ACVR1C: variants seen among roughly 807,000 people sequenced by gnomAD.
The protein encoded by ACVR1C is activin receptor type-1C.
Under a neutral mutation model 57.9 loss-of-function variants are expected in ACVR1C, and 23 were observed. That is an observed-to-expected ratio of 0.40 (90% CI 0.29 to 0.56). ACVR1C has a LOEUF of 0.56. Ranked by LOEUF, ACVR1C falls within the 20% of genes least tolerant of loss-of-function variation. The pLI, the probability that ACVR1C is intolerant of heterozygous loss-of-function variation, is 0.50. For synonymous variants in ACVR1C, 214 were observed against 215.3 expected (o/e 0.99, Z 0.05); for missense variants, 480 against 607.9 (o/e 0.79, Z 2.21).
intron 6 of ACVR1C, among the ~76,000 whole-genome samples, chr2:157,541,775 T>A (rs1687630101): frequency 6.6e-6 from 1 of 152,198 alleles, no homozygotes; most frequent in African/African-American, 2.4e-5. Flanking sequence ...ACAAGAGGCA[T>A]TCACAGGCAC....
intron 1 of ACVR1C, among the ~76,000 whole-genome samples, chr2:157,605,530 G>A (rs1207181436): frequency 2.0e-5 from 3 of 151,600 alleles, no homozygotes; most frequent in East Asian, 1.9e-4. Context: ...AGTACAATAC[G>A]TCCTCAATAT....
Position 157,628,566 on chromosome 2 carries a change from C to T in ACVR1C, c.73+6G>A, listed in dbSNP as rs1182796547. Reference sequence around the variant, plus strand: ...GCGGGCGTCGGGAGAGAAACCAGCACCGTACCTGGCGAGAGCTCGGCGGCC... The same window carrying T: ...GCGGGCGTCGGGAGAGAAACCAGCATCGTACCTGGCGAGAGCTCGGCGGCC... On this transcript the variant is annotated splice_donor_region_variant and intron_variant, in intron 1 of 8. Coordinates refer to ENST00000243349, the MANE Select transcript of ACVR1C (RefSeq NM_145259.3). 7.5e-6 allele frequency: 12 copies of T among 1,607,304 alleles called. No individual in the cohort carries two copies. Among genetic ancestry groups the T allele is most frequent in the South Asian group, 6.6e-5 (6 of 90,234 alleles).
chr2:157,555,444 T>C (rs1688077216), intron 3 of ACVR1C, among the ~76,000 whole-genome samples: 1 of 152,158 alleles, frequency 6.6e-6, no homozygotes, highest in Non-Finnish European at 1.5e-5. Flanking sequence ...TTACCTGGGG[T>C]TCTGGAGTTC....
intron 3 of ACVR1C, among the ~76,000 whole-genome samples, chr2:157,555,455 C>T (rs928492145): frequency 6.6e-6 from 1 of 152,158 alleles, no homozygotes; most frequent in Admixed American, 6.5e-5. Context: ...TCTGGAGTTC[C>T]ATTAAAGAGG....
chr2:157,548,264 C>G (rs2105214516), intron 4 of ACVR1C, among the ~76,000 whole-genome samples: 1 of 150,250 alleles, frequency 6.7e-6, no homozygotes, highest in South Asian at 2.2e-4. Flanking sequence ...AACCACTGCT[C>G]AAGGAAATCA....
intron 1 of ACVR1C, among the ~76,000 whole-genome samples, chr2:157,592,907 T>C (rs1185648337): frequency 6.6e-6 from 1 of 152,146 alleles, no homozygotes; most frequent in Non-Finnish European, 1.5e-5. Context: ...CATTACAATG[T>C]ATTTGAGTCC....
intron 1 of ACVR1C, among the ~76,000 whole-genome samples, chr2:157,626,691 A>G (rs1051267072): frequency 3.3e-5 from 5 of 152,382 alleles, no homozygotes; most frequent in Admixed American, 2.0e-4. Context: ...ACTACCTTGA[A>G]TCTTTCTACT....
intron 1 of ACVR1C, among the ~76,000 whole-genome samples, chr2:157,617,889 C>T (rs1682688918): frequency 6.6e-6 from 1 of 151,714 alleles, no homozygotes; most frequent in Admixed American, 6.6e-5. Context: ...ATATTTGAAG[C>T]TTAAAAATAA....
At chr2:157,537,859 CACTT>C (rs1201940865) in intron 8 of ACVR1C, among the ~76,000 whole-genome samples, 1 of 152,118 alleles carries the variant, frequency 6.6e-6, no homozygotes, top group Non-Finnish European at 1.5e-5. Context: ...TTGCAATAAC[CACTT>C]ACTATTTGTC....
chr2:157,621,247 T>C (rs1279193800), intron 1 of ACVR1C, among the ~76,000 whole-genome samples: 2 of 152,090 alleles, frequency 1.3e-5, no homozygotes, highest in African/African-American at 4.8e-5. Context: ...GAAGCTATTC[T>C]AGAGGAAAAA....
In ACVR1C at chr2:157,609,400, C is replaced by T. The variant is rs145230398; in HGVS notation, c.73+19172G>A. Among the ~76,000 whole-genome samples the T allele has an allele frequency of 3.0e-3, 459 of 152,036 alleles. 1 individual carries two copies. Among genetic ancestry groups the T allele is most frequent in the Admixed American group, 5.0e-3 (76 of 15,274 alleles). Reference sequence around the variant, plus strand: ...TTTGCAACCTAACACATGATCTCTCCTGAAGAATGTGCCATGTGTTGATCC... The same window carrying T: ...TTTGCAACCTAACACATGATCTCTCTTGAAGAATGTGCCATGTGTTGATCC... On this transcript the variant is annotated intron_variant, in intron 1 of 8. Coordinates refer to ENST00000243349, the MANE Select transcript of ACVR1C (RefSeq NM_145259.3).
rs144551776 is a variant in ACVR1C, at chr2:157,550,991, C to T, written c.545-599G>A. On this transcript the variant is annotated intron_variant, in intron 3 of 8. Transcript: ENST00000243349. ...AAATATATCCTGAATGTATGTATAACGCTTATATTCTTTGAACTACTAACT... is the reference window on the plus strand; with the variant it reads ...AAATATATCCTGAATGTATGTATAATGCTTATATTCTTTGAACTACTAACT... Among the ~76,000 whole-genome samples, 1,339 of 152,034 alleles carry T rather than the reference C, an allele frequency of 8.8e-3. 25 individuals carry two copies. Among genetic ancestry groups the T allele is most frequent in the African/African-American group, 0.03 (1,239 of 41,480 alleles).
chr2:157,533,784 G>T lies in ACVR1C; in HGVS notation c.*134C>A. ...AACTTTAGAGTTATCTTTTCATGCT[G>T]CCTTATGGGCACTTAAATACTGTAC... On this transcript the variant is annotated 3_prime_UTR_variant, in exon 9 of 9. Transcript: ENST00000243349. 1 of 778,904 alleles carries T rather than the reference G, an allele frequency of 1.3e-6. No individual in the cohort carries two copies. 48.2% of individuals were successfully genotyped at this position (778,904 alleles called of 1,614,324 possible).
rs55885432 is a variant in ACVR1C, at chr2:157,544,441, A to T, written c.943+4T>A. On this transcript the variant is annotated splice_donor_region_variant and intron_variant, in intron 5 of 8. Transcript: ENST00000243349. ...TGGAAAAAAAATGAAAAGGAAATACATACCTTGTGTACCAACAATCTCCAT... is the reference window on the plus strand; with the variant it reads ...TGGAAAAAAAATGAAAAGGAAATACTTACCTTGTGTACCAACAATCTCCAT... 6.2e-7 allele frequency: 1 copy of T among 1,605,132 alleles called. No homozygotes were observed. Among genetic ancestry groups the T allele is most frequent in the Non-Finnish European group, 8.5e-7 (1 of 1,176,992 alleles).
chr2:157,595,441 T>C (rs144147638), intron 1 of ACVR1C, among the ~76,000 whole-genome samples: 1 of 152,200 alleles, frequency 6.6e-6, no homozygotes, highest in Admixed American at 6.5e-5. Flanking sequence ...CAGACCCTAT[T>C]TGAAGTGTCA....
rs1419090537 is a variant in ACVR1C, at chr2:157,532,796, T to C, written c.*1122A>G. The C allele has an allele frequency of 6.6e-6, 1 of 152,182 alleles. No homozygotes were observed. Among genetic ancestry groups the C allele is most frequent in the Admixed American group, 6.6e-5 (1 of 15,258 alleles). 9.4% of individuals were successfully genotyped at this position (152,182 alleles called of 1,614,324 possible). A position where few individuals can be genotyped will look rare whatever the true frequency, so the allele number is the denominator to read the frequency against. ...CTTCATTGAAGAGTTTTCTTAATTC[T>C]TCTCAATATATTCTCAAAATATTTC... On this transcript the variant is annotated 3_prime_UTR_variant, in exon 9 of 9. Transcript: ENST00000243349.
At chr2:157,541,344 A>T in intron 6 of ACVR1C, 130 bp from the exon 7 acceptor site, 1 of 897,928 alleles carries the variant, frequency 1.1e-6, no homozygotes, top group Non-Finnish European at 1.6e-6. Flanking sequence ...GAATAAAATT[A>T]AAGAATAATT....
At chr2:157,628,442 T>C (rs1479212759) in intron 1 of ACVR1C, 130 bp downstream of exon 1, 11 of 1,084,168 alleles carry the variant, frequency 1.0e-5, no homozygotes, top group Non-Finnish European at 1.5e-5. Context: ...TCAATCCGAC[T>C]GGCGCTTCCC....
At chr2:157,545,806 G>T (rs1238031166) in intron 4 of ACVR1C, among the ~76,000 whole-genome samples, 1 of 151,714 alleles carries the variant, frequency 6.6e-6, no homozygotes, top group African/African-American at 2.4e-5. Flanking sequence ...ACAGCATGTC[G>T]CTCTGTCGCT....
Sources: gnomAD v4.1 joint callset for allele counts (sites outside exome capture counted in the v4.1 genomes callset) on GRCh38, gnomAD v4.1.1 for gene constraint, MANE v1.5 for transcripts, NCBI Gene and HGNC (gene_info 2026-07-23, HGNC 2026-07-21) for gene names.